Variants in LRRC37A2 observed in about 807,000 individuals in gnomAD.
The protein encoded by LRRC37A2 is leucine-rich repeat-containing protein 37A2.
A neutral mutation model predicts 68.8 loss-of-function variants in LRRC37A2; 9 were observed. That is an observed-to-expected ratio of 0.13 (90% CI 0.08 to 0.23). The LOEUF is 0.23. LRRC37A2 is among the 10% of genes least tolerant of loss of function. LRRC37A2 has a pLI of 1.00. For synonymous variants in LRRC37A2, 63 were observed against 367.6 expected, an observed-to-expected ratio of 0.17 and a Z score of 9.48; for missense variants, 168 against 950.4, an observed-to-expected ratio of 0.18 and a Z score of 10.82.
the LRRC37A2 span, chr17:46,728,946 C>T: frequency 2.7e-6 from 4 of 1,479,610 alleles, no homozygotes; most frequent in South Asian, 1.2e-5. Context: ...TAAAATAATA[C>T]TACTAATAAG....
At chr17:46,947,872 G>A in the LRRC37A2 span, among the ~76,000 whole-genome samples, 61 of 152,262 alleles carry the variant, frequency 4.0e-4, 1 homozygote, top group Admixed American at 1.6e-3. Context: ...GGGTTCAAGC[G>A]ACTCTCCTGC....
the LRRC37A2 span, among the ~76,000 whole-genome samples, chr17:46,838,693 C>T: frequency 1.3e-5 from 2 of 151,964 alleles, no homozygotes; most frequent in Non-Finnish European, 2.9e-5. Flanking sequence ...CACACATCCA[C>T]GTATATGTAA....
chr17:46,744,406 G>A, the LRRC37A2 span, among the ~76,000 whole-genome samples: 3 of 152,282 alleles, frequency 2.0e-5, no homozygotes, highest in Admixed American at 6.5e-5. Context: ...GCAGTTTTGA[G>A]TTGCACTTTT....
At chr17:46,900,869 A>G in the LRRC37A2 span, among the ~76,000 whole-genome samples, 2 of 152,216 alleles carry the variant, frequency 1.3e-5, no homozygotes, top group African/African-American at 4.8e-5. Context: ...GCTCTGGGCC[A>G]TAAAACAAAG....
At chr17:46,872,352 T>G in the LRRC37A2 span, among the ~76,000 whole-genome samples, 7 of 152,232 alleles carry the variant, frequency 4.6e-5, no homozygotes, top group Non-Finnish European at 4.4e-5. Flanking sequence ...CTTTGTTACA[T>G]GAACCTTGGT....
the LRRC37A2 span, chr17:46,770,186 A>G: frequency 1.2e-5 from 15 of 1,216,014 alleles, no homozygotes; most frequent in Non-Finnish European, 1.7e-5. Flanking sequence ...GGCAAGAGGG[A>G]GGCAGCTTCC....
chr17:46,832,046 C>T, the LRRC37A2 span, among the ~76,000 whole-genome samples: 1 of 152,192 alleles, frequency 6.6e-6, no homozygotes, highest in African/African-American at 2.4e-5. Flanking sequence ...CCTCGTGAGG[C>T]CCGCGTGGTT....
chr17:46,458,531 C>CTTTTTTT, the LRRC37A2 span, among the ~76,000 whole-genome samples: 68 of 39,906 alleles, frequency 1.7e-3, no homozygotes, highest in African/African-American at 3.2e-3. Context: ...TCTTCTTCTT[C>CTTTTTTT]TTTTTTTTTT....
the LRRC37A2 span, among the ~76,000 whole-genome samples, chr17:46,787,371 T>C: frequency 2.0e-5 from 3 of 152,190 alleles, no homozygotes; most frequent in African/African-American, 4.8e-5. Flanking sequence ...CCACGCATGT[T>C]AGTGATTCTA....
At chr17:47,000,013 TAAA>T in the LRRC37A2 span, among the ~76,000 whole-genome samples, 2 of 13,146 alleles carry the variant, frequency 1.5e-4, no homozygotes, top group African/African-American at 2.5e-4. Flanking sequence ...TAAAATAAAA[TAAA>T]ATAAAATAAA....
At chr17:46,708,810 A>G in the LRRC37A2 span, among the ~76,000 whole-genome samples, 1 of 95,784 alleles carries the variant, frequency 1.0e-5, no homozygotes, top group African/African-American at 4.3e-5. Context: ...TATTTTATAT[A>G]TATATATATA....
the LRRC37A2 span, among the ~76,000 whole-genome samples, chr17:46,770,684 C>T: frequency 6.6e-6 from 1 of 152,206 alleles, no homozygotes; most frequent in African/African-American, 2.4e-5. Flanking sequence ...CTCCTGCCCT[C>T]ACGCCCAGGC....
chr17:47,021,314 A>T, the LRRC37A2 span, among the ~76,000 whole-genome samples: 1 of 132,538 alleles, frequency 7.5e-6, no homozygotes, highest in Non-Finnish European at 1.6e-5. Context: ...CAGGGAGACA[A>T]AATAGAAAGG....
chr17:46,720,245 A>G, the LRRC37A2 span, among the ~76,000 whole-genome samples: 1 of 152,194 alleles, frequency 6.6e-6, no homozygotes, highest in Non-Finnish European at 1.5e-5. Context: ...GGAAGTGACT[A>G]CAGGTCCCTG....
At chr17:46,817,708 C>T in the LRRC37A2 span, among the ~76,000 whole-genome samples, 9 of 151,682 alleles carry the variant, frequency 5.9e-5, no homozygotes, top group South Asian at 2.1e-4. Context: ...TTCTCAGGGA[C>T]GGAATTCTCC....
At chr17:46,956,797 A>G in the LRRC37A2 span, among the ~76,000 whole-genome samples, 5 of 152,196 alleles carry the variant, frequency 3.3e-5, no homozygotes, top group Non-Finnish European at 7.3e-5. Context: ...TGCTCTCGTC[A>G]GCATGCTGCC....
chr17:46,773,990 C>G, the LRRC37A2 span: 6 of 1,546,248 alleles, frequency 3.9e-6, no homozygotes, highest in Non-Finnish European at 2.6e-6. Flanking sequence ...TTTGTGAACC[C>G]TCCGGGGTAG....
At chr17:46,492,571 C>G in the LRRC37A2 span, among the ~76,000 whole-genome samples, 1 of 150,198 alleles carries the variant, frequency 6.7e-6, no homozygotes, top group African/African-American at 2.5e-5. Flanking sequence ...TTATAAGAAA[C>G]TGCCAAAACT....
At chr17:46,783,647 G>T in the LRRC37A2 span, among the ~76,000 whole-genome samples, 1 of 152,302 alleles carries the variant, frequency 6.6e-6, no homozygotes, top group South Asian at 2.1e-4. Flanking sequence ...CGGTCAGGGC[G>T]AGCGATCTCT....
Sources: allele counts gnomAD v4.1 joint callset (sites outside exome capture counted in the v4.1 genomes callset), GRCh38; gene constraint gnomAD v4.1.1; transcripts MANE v1.5; gene names NCBI Gene and HGNC (gene_info 2026-07-23, HGNC 2026-07-21).